UPF2: variants seen among roughly 807,000 people sequenced by gnomAD.
The protein encoded by UPF2 is regulator of nonsense transcripts 2.
In UPF2, 17 loss-of-function variants were observed where a neutral mutation model predicts 141.4. That is an observed-to-expected ratio of 0.12 (90% CI 0.08 to 0.18). The LOEUF is 0.18. Ranked by LOEUF, UPF2 falls within the 10% of genes least tolerant of loss-of-function variation. The pLI is 1.00. For missense variants in UPF2, 1,152 were observed against 1,515.9 expected (o/e 0.76, Z 3.99); for synonymous variants, 540 against 498.0 (o/e 1.08, Z -1.12).
In UPF2 at chr10:11,939,923, T is replaced by C. The variant is rs1046416118; in HGVS notation, c.3378+2742A>G. ...GAAATAATTTTAAATTCATTCTGCATTGATCTCCCTGCTCTTCTCTTTCCC... is the reference window on the plus strand; with the variant it reads ...GAAATAATTTTAAATTCATTCTGCACTGATCTCCCTGCTCTTCTCTTTCCC... On this transcript the variant is annotated intron_variant, in intron 18 of 21. Coordinates refer to ENST00000357604, the MANE Select transcript of UPF2 (RefSeq NM_015542.4). This position sits in a 1 kb window ranked among gnomAD's most constrained non-coding sequence, Gnocchi z 4.8. Among the ~76,000 whole-genome samples, 1 of 152,222 alleles carries C rather than the reference T, an allele frequency of 6.6e-6. No individual in the cohort carries two copies. The highest frequency in any genetic ancestry group is 2.4e-5 in the African/African-American group (1 of 41,456).
At chr10:11,994,975 C>CAAAAAAAAAAAAAA (rs60922532) in intron 8 of UPF2, among the ~76,000 whole-genome samples, 34 of 51,360 alleles carry the variant, frequency 6.6e-4, no homozygotes, top group East Asian at 1.2e-3. Flanking sequence ...GACTCCATCT[C>CAAAAAAAAAAAAAA]AAAAAAAAAA....
chr10:12,013,161 T>G (rs1238714768), intron 4 of UPF2, among the ~76,000 whole-genome samples: 1 of 151,808 alleles, frequency 6.6e-6, no homozygotes, highest in Admixed American at 6.6e-5. Context: ...TACATTATTA[T>G]ATATAAATAC....
At chr10:11,985,875 A>T (rs749111567) in intron 8 of UPF2, among the ~76,000 whole-genome samples, 1 of 99,808 alleles carries the variant, frequency 1.0e-5, no homozygotes, top group Non-Finnish European at 1.9e-5. Flanking sequence ...AAAAATAATT[A>T]GATCCTTCCT....
At position 12,019,455 on chromosome 10, in the gene UPF2, G is replaced by A. The variant is rs1248162277; in HGVS notation, c.1146-5271C>T. Among the ~76,000 whole-genome samples the A allele has an allele frequency of 6.6e-6, 1 of 152,132 alleles. No homozygotes were observed. The highest frequency in any genetic ancestry group is 1.9e-4 in the East Asian group (1 of 5,190). The stretch of plus-strand genomic sequence containing the variant: ...AAAAACTAGTCATAGGCTTAATCTG[G>A]CCCACAAGCCATAGTTCGCCAATGC... On this transcript the variant is annotated intron_variant, in intron 3 of 21. Transcript: ENST00000357604. This position sits in a 1 kb window ranked among gnomAD's most constrained non-coding sequence, Gnocchi z 4.5.
Position 11,964,032 on chromosome 10 carries a change from G to A in UPF2, c.2161C>T (p.His721Tyr). The change falls in exon 11 of 22, where the codon CAC becomes TAC. Residue 721 changes from histidine to tyrosine, a missense_variant. By Grantham distance (83) the His-to-Tyr change is moderately conservative. Transcript: ENST00000357604. Reference sequence around the variant, plus strand: ...ACCAAAAGTACACTGGTCCTCAGGTGAGATTCTGGAGATCTGAAAAGAAAC... The same window carrying A: ...ACCAAAAGTACACTGGTCCTCAGGTAAGATTCTGGAGATCTGAAAAGAAAC... ...GRFLFRSPESHLRTSVLLEQM... is the reference protein window; with the variant it reads ...GRFLFRSPESYLRTSVLLEQM... The A allele has an allele frequency of 6.2e-7, 1 of 1,613,800 alleles. No individual in the cohort carries two copies.
At chr10:11,963,792 C>T (rs1002501250) in intron 11 of UPF2, among the ~76,000 whole-genome samples, 4 of 152,148 alleles carry the variant, frequency 2.6e-5, no homozygotes, top group African/African-American at 9.7e-5. Flanking sequence ...ACTTAATTAC[C>T]CCTTGCAATA....
In UPF2 at chr10:11,952,228, T is replaced by C; in HGVS notation, c.2872A>G (p.Ser958Gly). The C allele has an allele frequency of 6.2e-7, 1 of 1,607,538 alleles. No homozygotes were observed. The highest frequency in any genetic ancestry group is 1.1e-5 in the South Asian group (1 of 88,824). The change falls in exon 15 of 22, where the codon AGT becomes GGT. Residue 958 changes from serine to glycine, a missense_variant. By Grantham distance (56) the Ser-to-Gly change is moderately conservative. Transcript: ENST00000357604. The part of the protein sequence containing the change: ...YFQRYVWWKK[S>G]LEVWTKDHPF... ...TGGTCTTTTGTCCAAACCTCCAAAC[T>C]TTTCTTCCACCAAACATAACGCTGA...
intron 15 of UPF2, among the ~76,000 whole-genome samples, chr10:11,949,900 G>C (rs1461713759): frequency 6.6e-6 from 1 of 152,098 alleles, no homozygotes; most frequent in African/African-American, 2.4e-5. Context: ...ATCAACCTAA[G>C]AGTGAAACAG....
At chr10:12,031,789 A>C (rs1025832924) in intron 2 of UPF2, among the ~76,000 whole-genome samples, 1 of 152,176 alleles carries the variant, frequency 6.6e-6, no homozygotes, top group Non-Finnish European at 1.5e-5. Flanking sequence ...AGTTATACGC[A>C]TATCTATAAA....
At chr10:11,925,352 G>T (rs576396398) in intron 21 of UPF2, among the ~76,000 whole-genome samples, 3 of 152,160 alleles carry the variant, frequency 2.0e-5, no homozygotes, top group Non-Finnish European at 4.4e-5. Context: ...AGGTTGAGTG[G>T]CTAGCTCAAA....
At position 11,959,494 on chromosome 10, in the gene UPF2, T is replaced by A. The variant is rs555972788; in HGVS notation, c.2185-138A>T. On this transcript the variant is annotated intron_variant, in intron 11 of 21. Transcript: ENST00000357604. This position sits in a 1 kb window ranked among gnomAD's most constrained non-coding sequence, Gnocchi z 5.9. ...CAAAGAAAGGACTGGGCACTGTGGC[T>A]CACACCTATAATCCCAGCACTTTGG... is the stretch of plus-strand genomic sequence containing the variant. The A allele has an allele frequency of 6.7e-5, 59 of 876,362 alleles. 1 individual carries two copies. The South Asian group carries it at 1.2e-3, about 18-fold the overall frequency. 54.3% of individuals were successfully genotyped at this position (876,362 alleles called of 1,614,324 possible). A position where few individuals can be genotyped will look rare whatever the true frequency, so the allele number is the denominator to read the frequency against.
intron 11 of UPF2, among the ~76,000 whole-genome samples, chr10:11,962,329 C>T (rs1833253851): frequency 1.3e-5 from 2 of 152,088 alleles, no homozygotes; most frequent in Admixed American, 1.3e-4. Flanking sequence ...TGCTTCAAAC[C>T]AAACTCATCA....
At chr10:12,001,562 G>C (rs891300700) in intron 6 of UPF2, 114 bp downstream of exon 6, 10 of 1,087,538 alleles carry the variant, frequency 9.2e-6, no homozygotes, top group Non-Finnish European at 1.3e-5. Flanking sequence ...GAAAACAACA[G>C]AAAAACAAGG....
At chr10:11,950,891 T>G (rs1235691994) in intron 15 of UPF2, among the ~76,000 whole-genome samples, 6 of 152,234 alleles carry the variant, frequency 3.9e-5, no homozygotes, top group Non-Finnish European at 5.9e-5. Flanking sequence ...TAGCAGCACT[T>G]GTAAAACCTT....
chr10:12,025,548 CTAAATAAA>C (rs141211300), intron 3 of UPF2, among the ~76,000 whole-genome samples: 35 of 147,356 alleles, frequency 2.4e-4, no homozygotes, highest in Middle Eastern at 3.4e-3. Context: ...GACTCCATCT[CTAAATAAA>C]TAAATAAATA....
chr10:11,986,798 G>A (rs750666807), intron 8 of UPF2, among the ~76,000 whole-genome samples: 4 of 152,168 alleles, frequency 2.6e-5, no homozygotes, highest in Non-Finnish European at 5.9e-5. Context: ...ACCAGGTGGT[G>A]CAACATACTA....
At position 11,934,797 on chromosome 10, in the gene UPF2, T is replaced by C. The variant is rs192733093; in HGVS notation, c.3546+1748A>G. Among the ~76,000 whole-genome samples the C allele has an allele frequency of 6.0e-3, 906 of 151,918 alleles. 5 individuals are homozygous for C. The highest frequency in any genetic ancestry group is 9.9e-3 in the Non-Finnish European group (671 of 67,928). ...TAGAGACGGGGTTTCACTATGTTGG[T>C]CAGGCTGGTCTTGAATCCCTGACCT... On this transcript the variant is annotated intron_variant, in intron 19 of 21. Transcript: ENST00000357604.
rs117178517 is a variant in UPF2, at chr10:12,020,521, T to A, written c.1146-6337A>T. ...CAGCCTCAGCCAAGCTACTAAAGTT[T>A]AAGAAGTTTAACATAAAAATTTATA... is the stretch of plus-strand genomic sequence containing the variant. On this transcript the variant is annotated intron_variant, in intron 3 of 21. Coordinates refer to ENST00000357604, the MANE Select transcript of UPF2 (RefSeq NM_015542.4). 1.3e-3 allele frequency among the ~76,000 whole-genome samples: 194 copies of A among 152,244 alleles called. 2 individuals carry two copies. In the East Asian group the frequency reaches 0.037, roughly 29 times the overall value.
chr10:12,031,646 C>T (rs1266888600), intron 2 of UPF2, among the ~76,000 whole-genome samples: 1 of 152,154 alleles, frequency 6.6e-6, no homozygotes, highest in African/African-American at 2.4e-5. Context: ...CATGGTGGCA[C>T]ATGCCTGTAG....
Sources: allele counts gnomAD v4.1 joint callset (sites outside exome capture counted in the v4.1 genomes callset), GRCh38; gene constraint gnomAD v4.1.1; non-coding constraint Gnocchi (gnomAD v3.1); transcripts MANE v1.5; gene names NCBI Gene and HGNC (gene_info 2026-07-23, HGNC 2026-07-21).